Variants in PCDHA12 observed in about 807,000 individuals in gnomAD.
PCDHA12 encodes protocadherin alpha-12.
PCDHA12 carries 44 observed loss-of-function variants against 60.0 expected under a neutral mutation model. The observed-to-expected ratio is 0.73, with a 90% CI of 0.58 to 0.94. PCDHA12 has a LOEUF of 0.94. Ranked by LOEUF, PCDHA12 falls within the 40% of genes least tolerant of loss-of-function variation. The pLI, the probability that PCDHA12 is intolerant of heterozygous loss-of-function variation, is 0.00. For synonymous variants in PCDHA12, 569 were observed against 553.0 expected (o/e 1.03, Z -0.40); for missense variants, 1,276 against 1,239.7 (o/e 1.03, Z -0.44).
At chr5:140,884,428 G>C in intron 1 of PCDHA12, 1 of 1,613,962 alleles carries the variant, frequency 6.2e-7, no homozygotes, top group Non-Finnish European at 8.5e-7. Context: ...TGTATACTGC[G>C]CTGCGGTGCT....
intron 1 of PCDHA12, chr5:140,927,058 C>T (rs376173105): frequency 1.2e-6 from 2 of 1,611,256 alleles, no homozygotes; most frequent in African/African-American, 1.3e-5. Flanking sequence ...GCGGAACTTT[C>T]GCTTCCTTTC....
chr5:140,979,144 T>C, intron 2 of PCDHA12, 137 bp downstream of exon 2: 1 of 1,448,584 alleles, frequency 6.9e-7, no homozygotes. Flanking sequence ...GCAATTATTT[T>C]GTCCCCATGT....
At chr5:140,921,437 G>A (rs2080219286) in intron 1 of PCDHA12, among the ~76,000 whole-genome samples, 1 of 151,992 alleles carries the variant, frequency 6.6e-6, no homozygotes, top group South Asian at 2.1e-4. Context: ...TTTCTTCAAT[G>A]GTGTCTGAAA....
In PCDHA12 at chr5:140,998,188, AG is replaced by A. The variant is rs375338994; in HGVS notation, c.2516-11438del. On this transcript the variant is annotated intron_variant, in intron 3 of 3. Transcript: ENST00000398631. ...CAAGTATTATTCTAAGCACTTTACAAGTATTAACTCCTTTAATCTGTATAAC... is the reference window on the plus strand; with the variant it reads ...CAAGTATTATTCTAAGCACTTTACAATATTAACTCCTTTAATCTGTATAAC... Among the ~76,000 whole-genome samples, 972 of 152,318 alleles carry A rather than the reference AG, an allele frequency of 6.4e-3. 14 individuals are homozygous for A. Among genetic ancestry groups the A allele is most frequent in the African/African-American group, 0.023 (946 of 41,556 alleles).
At position 140,928,790 on chromosome 5, in the gene PCDHA12, G is replaced by T. The variant is rs370207805; in HGVS notation, c.2368-50159G>T. The T allele has an allele frequency of 9.3e-6, 15 of 1,614,058 alleles. No homozygotes were observed. Among genetic ancestry groups the T allele is most frequent in the Non-Finnish European group, 1.2e-5 (14 of 1,180,044 alleles). On this transcript the variant is annotated intron_variant, in intron 1 of 3. Coordinates refer to ENST00000398631, the MANE Select transcript of PCDHA12 (RefSeq NM_018903.4). The stretch of plus-strand genomic sequence containing the variant: ...CTTCCCACTGATGCAGTTAAGCAGA[G>T]GGTGGTGGTAGTGGTTCGGGACCAT...
intron 1 of PCDHA12, among the ~76,000 whole-genome samples, chr5:140,959,768 A>G (rs1554224322): frequency 6.6e-6 from 1 of 152,240 alleles, no homozygotes; most frequent in African/African-American, 2.4e-5. Flanking sequence ...ATATTCAGTA[A>G]GAACAGTGTA....
chr5:141,003,708 A>T (rs1251126675), intron 3 of PCDHA12, among the ~76,000 whole-genome samples: 1 of 152,218 alleles, frequency 6.6e-6, no homozygotes, highest in Non-Finnish European at 1.5e-5. Flanking sequence ...CCAATTGTGA[A>T]GATATCGGCT....
intron 3 of PCDHA12, among the ~76,000 whole-genome samples, chr5:140,982,795 A>G (rs1011948194): frequency 3.3e-5 from 5 of 151,516 alleles, no homozygotes; most frequent in African/African-American, 1.2e-4. Context: ...GCATGTGTGC[A>G]TGTGTGTGTG....
At chr5:140,946,894 T>C (rs1368559322) in intron 1 of PCDHA12, among the ~76,000 whole-genome samples, 1 of 151,402 alleles carries the variant, frequency 6.6e-6, no homozygotes, top group Non-Finnish European at 1.5e-5. Context: ...TACAATTAGA[T>C]AGGAAGAATA....
At chr5:140,971,689 T>C (rs149234216) in intron 1 of PCDHA12, among the ~76,000 whole-genome samples, 1 of 152,306 alleles carries the variant, frequency 6.6e-6, no homozygotes, top group East Asian at 1.9e-4. Context: ...GAATTTGTAC[T>C]CACTAACCAC....
At chr5:140,915,589 T>C (rs1398530314) in intron 1 of PCDHA12, among the ~76,000 whole-genome samples, 1 of 151,900 alleles carries the variant, frequency 6.6e-6, no homozygotes, top group African/African-American at 2.4e-5. Context: ...AAAGCACTTG[T>C]TCTTTTCCCT....
chr5:140,920,923 G>T (rs1229531762), intron 1 of PCDHA12, among the ~76,000 whole-genome samples: 1 of 151,200 alleles, frequency 6.6e-6, no homozygotes, highest in Non-Finnish European at 1.5e-5. Flanking sequence ...TCCAAGAGTA[G>T]GTGATCTAGC....
chr5:140,881,679 A>G (rs2058790767), intron 1 of PCDHA12, among the ~76,000 whole-genome samples: 1 of 152,220 alleles, frequency 6.6e-6, no homozygotes, highest in Non-Finnish European at 1.5e-5. Flanking sequence ...TGTGATTGTT[A>G]TGTTTCCTTT....
rs570001791 is a variant in PCDHA12, at chr5:140,924,660, C to T, written c.2367+46821C>T. Among the ~76,000 whole-genome samples the T allele has an allele frequency of 2.5e-3, 382 of 152,090 alleles. 1 individual carries two copies. Among genetic ancestry groups the T allele is most frequent in the South Asian group, 8.9e-3 (43 of 4,822 alleles). Reference sequence around the variant, plus strand: ...CTGTAATCCCAGCACTTTGGGAGGCCGAGGCAGGCCAATCACTTGAGGTCA... The same window carrying T: ...CTGTAATCCCAGCACTTTGGGAGGCTGAGGCAGGCCAATCACTTGAGGTCA... On this transcript the variant is annotated intron_variant, in intron 1 of 3. Coordinates refer to ENST00000398631, the MANE Select transcript of PCDHA12 (RefSeq NM_018903.4).
intron 1 of PCDHA12, chr5:140,883,112 A>T (rs141106500): frequency 1.9e-6 from 3 of 1,614,156 alleles, no homozygotes; most frequent in Non-Finnish European, 2.5e-6. Context: ...TTACTCATTT[A>T]GAAGGCCTGT....
chr5:140,887,140 A>T (rs1414836088), intron 1 of PCDHA12, among the ~76,000 whole-genome samples: 3 of 150,560 alleles, frequency 2.0e-5, no homozygotes, highest in Non-Finnish European at 4.4e-5. Context: ...TCTGTCGCCC[A>T]GGCTGGAGTA....
intron 3 of PCDHA12, among the ~76,000 whole-genome samples, chr5:140,996,287 A>C (rs1200123512): frequency 2.0e-5 from 3 of 152,258 alleles, no homozygotes; most frequent in African/African-American, 4.8e-5. Context: ...AAATTTCAAG[A>C]AGCACAGATT....
intron 3 of PCDHA12, among the ~76,000 whole-genome samples, 199 bp downstream of exon 3, chr5:140,982,762 TAAC>T (rs1210027762): frequency 6.6e-6 from 1 of 152,130 alleles, no homozygotes; most frequent in Non-Finnish European, 1.5e-5. Context: ...TGAAAAAGGA[TAAC>T]AAGGAAAGTG....
intron 1 of PCDHA12, chr5:140,928,743 G>C: frequency 6.2e-7 from 1 of 1,614,138 alleles, no homozygotes; most frequent in Non-Finnish European, 8.5e-7. Context: ...ATATAGGTGA[G>C]CTCCGTACTG....
Sources: gnomAD v4.1 joint callset for allele counts (sites outside exome capture counted in the v4.1 genomes callset) on GRCh38, gnomAD v4.1.1 for gene constraint, MANE v1.5 for transcripts, NCBI Gene and HGNC (gene_info 2026-07-23, HGNC 2026-07-21) for gene names.